Variants in FBXL20 observed in about 807,000 individuals in gnomAD.
FBXL20 encodes F-box and leucine rich repeat protein 20.
FBXL20 carries 11 observed loss-of-function variants against 64.0 expected under a neutral mutation model. The ratio of observed to expected loss-of-function variants is 0.17; its 90% CI spans 0.11 to 0.28. FBXL20 has a LOEUF of 0.28. Among genes scored for constraint, FBXL20 ranks in the 10% least tolerant of loss-of-function variants. The pLI is 1.00. For missense variants in FBXL20, 303 were observed against 526.2 expected (o/e 0.58, Z 4.15); for synonymous variants, 184 against 189.0 (o/e 0.97, Z 0.22).
intron 1 of FBXL20, among the ~76,000 whole-genome samples, chr17:39,372,118 T>C (rs1198825911): frequency 6.6e-6 from 1 of 152,180 alleles, no homozygotes; most frequent in Non-Finnish European, 1.5e-5. Flanking sequence ...TCTTTTCCTT[T>C]TTCCCATACA....
chr17:39,391,801 A>C (rs41470350), intron 1 of FBXL20, among the ~76,000 whole-genome samples: 4,846 of 151,912 alleles, frequency 0.032, 120 homozygotes, highest in African/African-American at 0.069. Flanking sequence ...CAAACCACAA[A>C]TCCCTTCTCC....
intron 14 of FBXL20, 50 bp from the exon 15 acceptor site, chr17:39,261,617 A>G (rs367784376): frequency 7.7e-5 from 107 of 1,395,580 alleles, no homozygotes; most frequent in Non-Finnish European, 1.0e-4. Context: ...TTAAACAGAA[A>G]GAGCAATGTT....
chr17:39,269,705 T>C (rs895816717), intron 11 of FBXL20, among the ~76,000 whole-genome samples: 7 of 149,562 alleles, frequency 4.7e-5, no homozygotes, highest in African/African-American at 1.7e-4. Context: ...TCCATGTGGG[T>C]CAGGCTGATC....
In FBXL20 at chr17:39,379,361, T is replaced by C. The variant is rs565771002; in HGVS notation, c.42+22000A>G. ...ACTGCTGTGGGAAACACTTTGGTGATTCCTTAAAAAGTCAAACATAGAAAT... is the reference window on the plus strand; with the variant it reads ...ACTGCTGTGGGAAACACTTTGGTGACTCCTTAAAAAGTCAAACATAGAAAT... On this transcript the variant is annotated intron_variant, in intron 1 of 14. Transcript: ENST00000264658. 6.6e-5 allele frequency among the ~76,000 whole-genome samples: 10 copies of C among 151,804 alleles called. No individual in the cohort carries two copies. The East Asian group carries it at 1.5e-3, about 23-fold the overall frequency.
Position 39,257,525 on chromosome 17 carries a change from A to G in FBXL20, c.*3935T>C, listed in dbSNP as rs1348157199. On this transcript the variant is annotated 3_prime_UTR_variant, in exon 15 of 15. Transcript: ENST00000264658. ...AAAGACAAGAGCAGAATAGGAGAAG[A>G]AAACATTTTTTACACAAAGCACAAT... 6.6e-6 allele frequency: 1 copy of G among 152,276 alleles called. No individual in the cohort carries two copies. Among genetic ancestry groups the G allele is most frequent in the African/African-American group, 2.4e-5 (1 of 41,486 alleles). The allele number at this position is 152,276 out of a possible 1,614,324, so 9.4% of individuals were successfully genotyped here.
At chr17:39,276,495 C>G (rs2046896657) in intron 9 of FBXL20, among the ~76,000 whole-genome samples, 2 of 151,848 alleles carry the variant, frequency 1.3e-5, no homozygotes, top group South Asian at 4.1e-4. Context: ...ATGGTGAAAC[C>G]CCGTCTCTAC....
intron 1 of FBXL20, among the ~76,000 whole-genome samples, chr17:39,376,264 T>G (rs921166526): frequency 1.3e-5 from 2 of 152,200 alleles, no homozygotes; most frequent in African/African-American, 4.8e-5. Flanking sequence ...CGTTTGTCTT[T>G]ATATTGTCTC....
intron 8 of FBXL20, 39 bp downstream of exon 8, chr17:39,282,690 G>T: frequency 6.2e-7 from 1 of 1,613,458 alleles, no homozygotes; most frequent in South Asian, 1.1e-5. Context: ...ATTCATTCAC[G>T]ATTCTTCCGA....
At chr17:39,401,798 G>A (rs2048249331), upstream of FBXL20, 3 of 883,774 alleles carry the variant, frequency 3.4e-6, no homozygotes, top group Non-Finnish European at 4.2e-6. Flanking sequence ...GGCCGGCCCT[G>A]ACGGCGCTCC....
intron 1 of FBXL20, 29 bp from the exon 2 acceptor site, chr17:39,343,270 G>A: frequency 4.7e-6 from 7 of 1,484,828 alleles, no homozygotes; most frequent in Admixed American, 2.0e-5. Context: ...AGTGTCAAGT[G>A]TTACTTAACA....
intron 2 of FBXL20, among the ~76,000 whole-genome samples, chr17:39,304,455 T>C (rs1449430017): frequency 1.3e-5 from 2 of 152,144 alleles, no homozygotes; most frequent in African/African-American, 4.8e-5. Context: ...GCCTGGCTAA[T>C]TTTTTAATTT....
At chr17:39,306,141 G>A (rs1162605495) in intron 2 of FBXL20, among the ~76,000 whole-genome samples, 1 of 145,624 alleles carries the variant, frequency 6.9e-6, no homozygotes, top group African/African-American at 2.7e-5. Flanking sequence ...CAGCCTGGGT[G>A]ATAGAGTGAG....
rs2047157193 is a variant in FBXL20, at chr17:39,303,642, A to G, written c.105-3T>C. 13 of 1,606,714 alleles carry G rather than the reference A, an allele frequency of 8.1e-6. No individual in the cohort carries two copies. The highest frequency in any genetic ancestry group is 2.7e-5 in the African/African-American group (2 of 74,778). ...CAACATCTAGAAAAGAAAATATCCTAAAAAGAAAAGAGAGAAAGACAAATT... is the reference window on the plus strand; with the variant it reads ...CAACATCTAGAAAAGAAAATATCCTGAAAAGAAAAGAGAGAAAGACAAATT... On this transcript the variant is annotated splice_polypyrimidine_tract_variant and splice_region_variant and intron_variant, in intron 2 of 14. Transcript: ENST00000264658.
intron 2 of FBXL20, among the ~76,000 whole-genome samples, chr17:39,333,743 G>A (rs1335422218): frequency 9.3e-5 from 14 of 149,842 alleles, no homozygotes; most frequent in East Asian, 2.0e-4. Context: ...TGTGGGGAGC[G>A]CCTCTGCCCC....
At chr17:39,370,687 C>T (rs1227947420) in intron 1 of FBXL20, among the ~76,000 whole-genome samples, 3 of 146,750 alleles carry the variant, frequency 2.0e-5, no homozygotes, top group South Asian at 2.2e-4. Context: ...CCCAGCTACT[C>T]GGGAGGCTGA....
chr17:39,366,731 TCTG>T (rs1371891952), intron 1 of FBXL20, among the ~76,000 whole-genome samples: 1 of 152,222 alleles, frequency 6.6e-6, no homozygotes, highest in African/African-American at 2.4e-5. Context: ...CTCGTAAGTT[TCTG>T]CTGTGATATA....
At chr17:39,304,494 T>G (rs1234164872) in intron 2 of FBXL20, among the ~76,000 whole-genome samples, 2 of 152,154 alleles carry the variant, frequency 1.3e-5, no homozygotes, top group Admixed American at 6.6e-5. Flanking sequence ...CTCCCTATGT[T>G]GCACAGGCTG....
At chr17:39,283,227 C>T (rs1009808049) in intron 7 of FBXL20, among the ~76,000 whole-genome samples, 1 of 152,162 alleles carries the variant, frequency 6.6e-6, no homozygotes, top group African/African-American at 2.4e-5. Flanking sequence ...GATTCTCCAT[C>T]GAGCAATGCT....
chr17:39,261,063 C>G lies in FBXL20; in HGVS notation c.*397G>C. ...ATTGTCTTTCCATGCTTTTCTTGAC[C>G]CCGGAGGACAGCAGATGCTGTTCTA... On this transcript the variant is annotated 3_prime_UTR_variant, in exon 15 of 15. Coordinates refer to ENST00000264658, the MANE Select transcript of FBXL20 (RefSeq NM_032875.3). 1 of 184,676 alleles carries G rather than the reference C, an allele frequency of 5.4e-6. No individual in the cohort carries two copies. The highest frequency in any genetic ancestry group is 1.2e-5 in the Non-Finnish European group (1 of 86,812). 11.4% of individuals were successfully genotyped at this position (184,676 alleles called of 1,614,324 possible).
Sources: allele counts gnomAD v4.1 joint callset (sites outside exome capture counted in the v4.1 genomes callset), GRCh38; gene constraint gnomAD v4.1.1; transcripts MANE v1.5; gene names NCBI Gene and HGNC (gene_info 2026-07-23, HGNC 2026-07-21).